SLIT2: variants seen among roughly 807,000 people sequenced by gnomAD.
The protein encoded by SLIT2 is slit guidance ligand 2.
A neutral mutation model predicts 185.7 loss-of-function variants in SLIT2; 41 were observed. The ratio of observed to expected loss-of-function variants is 0.22; its 90% CI spans 0.17 to 0.29. The LOEUF (loss-of-function observed/expected upper bound fraction) is 0.29. Ranked by LOEUF, SLIT2 falls within the 10% of genes least tolerant of loss-of-function variation. The pLI is 1.00. For synonymous variants in SLIT2, 693 were observed against 680.2 expected (o/e 1.02, Z -0.29); for missense variants, 1,571 against 1,909.0 (o/e 0.82, Z 3.30).
chr4:20,587,517 T>A (rs1429661707), intron 29 of SLIT2, among the ~76,000 whole-genome samples: 1 of 152,224 alleles, frequency 6.6e-6, no homozygotes, highest in East Asian at 1.9e-4. Flanking sequence ...AAGCTGTTGA[T>A]TAGAGATTTA....
intron 18 of SLIT2, among the ~76,000 whole-genome samples, chr4:20,535,115 A>G (rs1722154733): frequency 6.6e-6 from 1 of 152,072 alleles, no homozygotes; most frequent in African/African-American, 2.4e-5. Flanking sequence ...CCTGGCCAAT[A>G]TGATGACATC....
intron 4 of SLIT2, among the ~76,000 whole-genome samples, chr4:20,417,190 G>C (rs1178488127): frequency 6.6e-6 from 1 of 151,716 alleles, no homozygotes; most frequent in Non-Finnish European, 1.5e-5. Context: ...AGGGCCTATT[G>C]CATTTATTGT....
intron 4 of SLIT2, among the ~76,000 whole-genome samples, chr4:20,297,466 A>G (rs890080720): frequency 6.6e-6 from 1 of 152,182 alleles, no homozygotes; most frequent in African/African-American, 2.4e-5. Flanking sequence ...TGAATGAGCT[A>G]TTCGCCAGCA....
intron 29 of SLIT2, among the ~76,000 whole-genome samples, chr4:20,585,134 C>T (rs909603241): frequency 7.9e-5 from 12 of 151,400 alleles, no homozygotes; most frequent in Non-Finnish European, 1.6e-4. Flanking sequence ...ACATGTAGCA[C>T]TTTTTCTTAA....
At chr4:20,551,746 C>T (rs554793203) in intron 25 of SLIT2, among the ~76,000 whole-genome samples, 17 of 152,090 alleles carry the variant, frequency 1.1e-4, no homozygotes, top group Non-Finnish European at 2.4e-4. Context: ...CCTGGTTTTG[C>T]ACTTCTCTCG....
At chr4:20,380,302 T>C (rs1268617752) in intron 4 of SLIT2, among the ~76,000 whole-genome samples, 2 of 152,120 alleles carry the variant, frequency 1.3e-5, no homozygotes, top group Non-Finnish European at 1.5e-5. Context: ...CTTAGCTATA[T>C]CCCAGAATAT....
At chr4:20,421,477 G>A (rs1308842148) in intron 4 of SLIT2, among the ~76,000 whole-genome samples, 1 of 152,090 alleles carries the variant, frequency 6.6e-6, no homozygotes, top group Non-Finnish European at 1.5e-5. Flanking sequence ...ATTAAAAGGA[G>A]CAACATATGA....
intron 4 of SLIT2, among the ~76,000 whole-genome samples, chr4:20,273,367 A>G (rs980570319): frequency 2.6e-5 from 4 of 152,260 alleles, no homozygotes; most frequent in Middle Eastern, 3.4e-3. Flanking sequence ...GATTATACAT[A>G]TAAGTGCTAC....
In SLIT2 at chr4:20,596,538, G is replaced by A. The variant is rs1359338107; in HGVS notation, c.3444G>A (p.Leu1148=). The A allele has an allele frequency of 1.9e-6, 3 of 1,614,086 alleles. No homozygotes were observed. Among genetic ancestry groups the A allele is most frequent in the Non-Finnish European group, 2.5e-6 (3 of 1,179,980 alleles). The change falls in exon 32 of 37, where the codon TTG becomes TTA. Residue 1148 remains leucine (L), a synonymous_variant. Coordinates refer to ENST00000504154, the MANE Select transcript of SLIT2 (RefSeq NM_004787.4). The part of the protein sequence containing the change: ...VRINEPICQC[L]PGYQGEKCEK... ...TAAATGAGCCAATATGTCAGTGTTT[G>A]CCTGGCTATCAGGGAGAAAAGTGTG...
chr4:20,496,728 C>G (rs932015809), intron 9 of SLIT2, among the ~76,000 whole-genome samples: 4 of 152,022 alleles, frequency 2.6e-5, no homozygotes, highest in Non-Finnish European at 5.9e-5. Flanking sequence ...TACTGATGAC[C>G]CAGCAAAAAA....
intron 12 of SLIT2, among the ~76,000 whole-genome samples, chr4:20,520,282 A>G (rs1168138078): frequency 2.0e-5 from 3 of 152,170 alleles, no homozygotes; most frequent in Non-Finnish European, 4.4e-5. Flanking sequence ...TATTTGCAAA[A>G]AGGAGATTTA....
chr4:20,537,257 T>C (rs1236966884), intron 18 of SLIT2, among the ~76,000 whole-genome samples: 1 of 152,198 alleles, frequency 6.6e-6, no homozygotes, highest in African/African-American at 2.4e-5. Flanking sequence ...TTTACACCAG[T>C]ATCACCACAA....
chr4:20,459,757 T>C (rs1341156734), intron 4 of SLIT2, among the ~76,000 whole-genome samples: 2 of 152,190 alleles, frequency 1.3e-5, no homozygotes, highest in African/African-American at 4.8e-5. Flanking sequence ...ATTTCCCTGG[T>C]TATGTCTATA....
chr4:20,606,989 C>A (rs1728840822), intron 33 of SLIT2, among the ~76,000 whole-genome samples: 1 of 152,214 alleles, frequency 6.6e-6, no homozygotes, highest in South Asian at 2.1e-4. Context: ...AGCACATACA[C>A]TTGAGCTGGA....
At chr4:20,477,804 A>G (rs1716275696) in intron 5 of SLIT2, among the ~76,000 whole-genome samples, 1 of 152,116 alleles carries the variant, frequency 6.6e-6, no homozygotes, top group Admixed American at 6.5e-5. Context: ...ATTTTTTTTG[A>G]AGAAGTGAAA....
chr4:20,327,226 G>T (rs1025935386), intron 4 of SLIT2, among the ~76,000 whole-genome samples: 1 of 151,882 alleles, frequency 6.6e-6, no homozygotes, highest in Non-Finnish European at 1.5e-5. Context: ...AGAATATTTT[G>T]TTGTATTATG....
At chr4:20,318,157 T>C (rs571678128) in intron 4 of SLIT2, among the ~76,000 whole-genome samples, 2 of 152,268 alleles carry the variant, frequency 1.3e-5, no homozygotes, top group Admixed American at 1.3e-4. Context: ...TCTGCAATAA[T>C]GGCTTAGTGT....
At chr4:20,284,122 G>A (rs1464030595) in intron 4 of SLIT2, among the ~76,000 whole-genome samples, 3 of 152,142 alleles carry the variant, frequency 2.0e-5, no homozygotes, top group African/African-American at 7.2e-5. Context: ...TACTAGGTGG[G>A]CAACTTGCTG....
chr4:20,531,054 T>G (rs1259930406), intron 16 of SLIT2, among the ~76,000 whole-genome samples: 2 of 152,104 alleles, frequency 1.3e-5, no homozygotes, highest in Admixed American at 1.3e-4. Flanking sequence ...AAAGCTTCTA[T>G]GGAAATCTTT....
Sources: allele counts gnomAD v4.1 joint callset (sites outside exome capture counted in the v4.1 genomes callset), GRCh38; gene constraint gnomAD v4.1.1; transcripts MANE v1.5; gene names NCBI Gene and HGNC (gene_info 2026-07-23, HGNC 2026-07-21).